KLHL32: variants seen among roughly 807,000 people sequenced by gnomAD.
KLHL32 encodes the protein kelch like family member 32.
Under a neutral mutation model 64.8 loss-of-function variants are expected in KLHL32, and 35 were observed. The ratio of observed to expected loss-of-function variants is 0.54; its 90% confidence interval spans 0.41 to 0.72. KLHL32 has a LOEUF of 0.72. Ranked by LOEUF, KLHL32 falls within the 30% of genes least tolerant of loss-of-function variation. KLHL32 has a pLI of 0.00. For synonymous variants in KLHL32, 259 were observed against 281.0 expected (o/e 0.92, Z 0.78); for missense variants, 589 against 768.5 (o/e 0.77, Z 2.76).
At chr6:96,950,230 TAA>T (rs35692509) in intron 1 of KLHL32, among the ~76,000 whole-genome samples, 2,985 of 146,882 alleles carry the variant, frequency 0.02, 106 homozygotes, top group African/African-American at 0.071. Context: ...ACATTTGTGT[TAA>T]AAAAAAAAAC....
chr6:96,990,778 T>C (rs570006491), intron 3 of KLHL32, among the ~76,000 whole-genome samples: 1 of 152,116 alleles, frequency 6.6e-6, no homozygotes, highest in South Asian at 2.1e-4. Flanking sequence ...GCTTGCTTGG[T>C]GATGAGCAGG....
At chr6:97,113,373 G>A (rs761445625) in intron 6 of KLHL32, among the ~76,000 whole-genome samples, 4 of 152,086 alleles carry the variant, frequency 2.6e-5, no homozygotes, top group Admixed American at 6.5e-5. Context: ...CTTATGGGTT[G>A]ACATATATTA....
At chr6:96,902,583 T>C in the KLHL32 span, among the ~76,000 whole-genome samples, 2 of 152,208 alleles carry the variant, frequency 1.3e-5, no homozygotes, top group Non-Finnish European at 2.9e-5. Flanking sequence ...TGCAGAGCTC[T>C]TTAGTTTAAT....
intron 7 of KLHL32, among the ~76,000 whole-genome samples, chr6:97,120,109 C>A (rs1300310190): frequency 6.6e-6 from 1 of 152,022 alleles, no homozygotes; most frequent in African/African-American, 2.4e-5. Flanking sequence ...GTACCAGGAA[C>A]AGTGAAGAGT....
At chr6:97,114,557 G>A (rs746347697) in intron 7 of KLHL32, 48 bp downstream of exon 7, 534 of 1,602,702 alleles carry the variant, frequency 3.3e-4, no homozygotes, top group Non-Finnish European at 4.3e-4. Flanking sequence ...TTTCATTGTG[G>A]TATATATTTA....
At chr6:97,059,688 T>A (rs1554227805) in intron 4 of KLHL32, among the ~76,000 whole-genome samples, 2 of 147,576 alleles carry the variant, frequency 1.4e-5, no homozygotes, top group Non-Finnish European at 2.9e-5. Context: ...GTTTTGAAAC[T>A]AAAACTAGAT....
At chr6:97,013,499 T>C (rs1182605240) in intron 3 of KLHL32, among the ~76,000 whole-genome samples, 1 of 152,184 alleles carries the variant, frequency 6.6e-6, no homozygotes, top group Non-Finnish European at 1.5e-5. Flanking sequence ...TTTTTGTTTT[T>C]ACTAAGAAAG....
At chr6:97,038,473 C>T (rs1784621454) in intron 3 of KLHL32, among the ~76,000 whole-genome samples, 4 of 152,024 alleles carry the variant, frequency 2.6e-5, no homozygotes, top group African/African-American at 9.6e-5. Context: ...AATACCTCAC[C>T]CCAGTTAAAA....
Position 96,934,438 on chromosome 6 carries a change from A to G in KLHL32, c.-66+9412A>G, listed in dbSNP as rs549145616. Among the ~76,000 whole-genome samples, 3 of 151,232 alleles carry G rather than the reference A, an allele frequency of 2.0e-5. No individual in the cohort carries two copies. In the East Asian group the frequency reaches 5.9e-4, roughly 30 times the overall value. ...GGATCTGGGCCTCAGCTTTCTTGTC[A>G]TTGACACTTAACAACAACAACAAAA... On this transcript the variant is annotated intron_variant, in intron 1 of 10. Transcript: ENST00000369261.
chr6:97,032,866 T>C (rs1783756897), intron 3 of KLHL32, among the ~76,000 whole-genome samples: 1 of 152,122 alleles, frequency 6.6e-6, no homozygotes. Flanking sequence ...ATTTTGGAAT[T>C]TCGGGTAATC....
intron 3 of KLHL32, among the ~76,000 whole-genome samples, chr6:97,030,571 A>G (rs969916969): frequency 1.3e-5 from 2 of 152,192 alleles, no homozygotes; most frequent in African/African-American, 4.8e-5. Context: ...GGCTCTCCCA[A>G]AGACAAAATC....
Position 96,986,974 on chromosome 6 carries a change from G to C in KLHL32, c.204+10797G>C, listed in dbSNP as rs138351776. Among the ~76,000 whole-genome samples the C allele has an allele frequency of 9.1e-3, 1,386 of 152,328 alleles. 28 individuals are homozygous for C. The highest frequency in any genetic ancestry group is 0.032 in the African/African-American group (1,330 of 41,586). ...GTCTTCTGCATCGCTCACGCTGGGA[G>C]CTGTAGACTGGAGCTGTTCCTATGC... On this transcript the variant is annotated intron_variant, in intron 3 of 10. Coordinates refer to ENST00000369261, the MANE Select transcript of KLHL32 (RefSeq NM_052904.4).
chr6:97,000,095 A>T (rs138961852), intron 3 of KLHL32, among the ~76,000 whole-genome samples: 1 of 152,222 alleles, frequency 6.6e-6, no homozygotes, highest in African/African-American at 2.4e-5. Context: ...AAAGATAAAA[A>T]CATAAGCAAA....
the KLHL32 span, among the ~76,000 whole-genome samples, chr6:96,912,689 G>A: frequency 6.6e-6 from 1 of 152,092 alleles, no homozygotes; most frequent in African/African-American, 2.4e-5. Flanking sequence ...AACATACAAG[G>A]TACTCAATAA....
At chr6:97,013,391 G>A (rs150862584) in intron 3 of KLHL32, among the ~76,000 whole-genome samples, 2 of 152,206 alleles carry the variant, frequency 1.3e-5, no homozygotes, top group African/African-American at 2.4e-5. Context: ...GGAGAGAATG[G>A]TACCTGTTTT....
rs755665293 is a variant in KLHL32 at position 97,064,695 on chromosome 6, T to G, written c.380T>G (p.Leu127Arg). ...GGCAGTCACCTACAGCTGTTGGAGC[T>G]TCTCAATTTATGCTCCCACTATCTC... ...AAGSHLQLLELLNLCSHYLIQ... is the reference protein window; with the variant it reads ...AAGSHLQLLERLNLCSHYLIQ... Residue 127 changes from leucine to arginine, a missense_variant, in exon 5 of 11, where the codon CTT becomes CGT. By Grantham distance (102) the Leu-to-Arg change is moderately radical (BLOSUM62 -2). Coordinates refer to ENST00000369261, the MANE Select transcript of KLHL32 (RefSeq NM_052904.4). The G allele has an allele frequency of 1.2e-6, 2 of 1,613,964 alleles. No homozygotes were observed. Among genetic ancestry groups the G allele is most frequent in the African/African-American group, 1.3e-5 (1 of 74,926 alleles).
intron 1 of KLHL32, among the ~76,000 whole-genome samples, chr6:96,943,036 TACACACACACACACAC>T (rs113696398): frequency 1.4e-5 from 2 of 146,326 alleles, no homozygotes; most frequent in Admixed American, 1.4e-4. Context: ...ATGCTCCCTC[TACACACACACACACAC>T]ACACACACAC....
At chr6:97,036,337 T>C (rs1286814815) in intron 3 of KLHL32, among the ~76,000 whole-genome samples, 1 of 152,210 alleles carries the variant, frequency 6.6e-6, no homozygotes, top group Admixed American at 6.5e-5. Flanking sequence ...AAACAATAAT[T>C]TTGTCAGGCA....
chr6:97,108,871 C>T (rs1796754020), intron 6 of KLHL32, among the ~76,000 whole-genome samples: 1 of 152,048 alleles, frequency 6.6e-6, no homozygotes, highest in Non-Finnish European at 1.5e-5. Flanking sequence ...ACTTCAACTT[C>T]ACTGGATTTA....
Sources: allele counts gnomAD v4.1 joint callset (sites outside exome capture counted in the v4.1 genomes callset), GRCh38; gene constraint gnomAD v4.1.1; transcripts MANE v1.5; gene names NCBI Gene and HGNC (gene_info 2026-07-23, HGNC 2026-07-21).